Variants in ZIC5 observed in about 807,000 individuals in gnomAD.
The protein encoded by ZIC5 is Zic family zinc finger 5.
ZIC5 carries 20 observed loss-of-function variants against 28.5 expected under a neutral mutation model. The observed-to-expected ratio is 0.70, with a 90% CI of 0.49 to 1.02. The LOEUF (loss-of-function observed/expected upper bound fraction) is 1.02, where lower values mean the gene tolerates loss of function less well. ZIC5 is among the 50% of genes least tolerant of loss of function. The probability of loss-of-function intolerance (pLI) is 0.00; values close to 1 mark genes in which losing one functional copy is unlikely to be tolerated. For synonymous variants in ZIC5, 488 were observed against 410.4 expected, an observed-to-expected ratio of 1.19 and a Z score of -2.29; for missense variants, 951 against 899.7, an observed-to-expected ratio of 1.06 and a Z score of -0.73.
chr13:99,965,587 T>A lies in ZIC5; in HGVS notation c.1710A>T (p.Pro570=), dbSNP rs201281552. 644 of 1,613,872 alleles carry A rather than the reference T, an allele frequency of 4.0e-4. 1 individual carries two copies. Among genetic ancestry groups the A allele is most frequent in the Non-Finnish European group, 5.2e-4 (615 of 1,179,936 alleles). ...GPLGYSSVGT[P]VGAPLSPVLD... ...GCACAGGGGACAAGGGGGCGCCCAC[T>A]GGAGTCCCCACTGATGAGTAACCAA... Residue 570 remains proline, a synonymous_variant, in exon 2 of 2, where the codon CCA becomes CCT. Coordinates refer to ENST00000267294, the MANE Select transcript of ZIC5 (RefSeq NM_033132.5).
upstream of ZIC5, chr13:99,971,893 C>A: frequency 1.6e-6 from 1 of 606,114 alleles, no homozygotes; most frequent in Non-Finnish European, 2.8e-6. Flanking sequence ...GCCCTCGACC[C>A]AGCGGGGATT....
At chr13:99,968,304 G>A (rs2053116115) in intron 1 of ZIC5, among the ~76,000 whole-genome samples, 1 of 152,182 alleles carries the variant, frequency 6.6e-6, no homozygotes, top group Non-Finnish European at 1.5e-5. Context: ...CCCTCCCGCA[G>A]GGACCCCCAC....
At position 99,964,695 on chromosome 13, in the gene ZIC5, G is replaced by A. The variant is rs976779070; in HGVS notation, c.*682C>T. ...AGTAGGATACTGAAGAAATAATCCT[G>A]TATAAAAATATTGTATTAAGCTAAG... On this transcript the variant is annotated 3_prime_UTR_variant, in exon 2 of 2. Coordinates refer to ENST00000267294, the MANE Select transcript of ZIC5 (RefSeq NM_033132.5). 1 of 152,442 alleles carries A rather than the reference G, an allele frequency of 6.6e-6. No homozygotes were observed. The highest frequency in any genetic ancestry group is 1.5e-5 in the Non-Finnish European group (1 of 68,000). 9.4% of individuals were successfully genotyped at this position (152,442 alleles called of 1,614,324 possible).
chr13:99,968,834 G>A (rs1594283247), intron 1 of ZIC5, among the ~76,000 whole-genome samples: 1 of 152,152 alleles, frequency 6.6e-6, no homozygotes, highest in Non-Finnish European at 1.5e-5. Flanking sequence ...GGGAAAACGT[G>A]CTCCCCACCG....
At chr13:99,968,464 C>A (rs2053118176) in intron 1 of ZIC5, among the ~76,000 whole-genome samples, 1 of 152,216 alleles carries the variant, frequency 6.6e-6, no homozygotes, top group South Asian at 2.1e-4. Context: ...CGCGCGCGTG[C>A]CCCGGGAAGC....
Position 99,970,413 on chromosome 13 carries a change from T to TGGCGGC in ZIC5, c.1185_1190dup (p.Pro399_Pro400dup), listed in dbSNP as rs71114653. On this transcript the variant is annotated inframe_insertion, in exon 1 of 2. Transcript: ENST00000267294. Reference sequence around the variant, plus strand: ...GCTTGGCGCCGCCGGCCGGGGGCGGTGGCGGCGGCGGCGGCGGCGGCGGCG... The same window carrying TGGCGGC: ...GCTTGGCGCCGCCGGCCGGGGGCGGTGGCGGCGGCGGCGGCGGCGGCGGCGGCGGCG... 4,418 of 1,106,580 alleles carry TGGCGGC rather than the reference T, an allele frequency of 4.0e-3. 9 individuals are homozygous for TGGCGGC. Among genetic ancestry groups the TGGCGGC allele is most frequent in the East Asian group, 4.6e-3 (83 of 18,042 alleles). The allele number at this position is 1,106,580 out of a possible 1,614,324, so 68.5% of individuals were successfully genotyped here. A position where few individuals can be genotyped will look rare whatever the true frequency, so the allele number is the denominator to read the frequency against.
At position 99,964,977 on chromosome 13, in the gene ZIC5, G is replaced by T. The variant is rs918627812; in HGVS notation, c.*400C>A. 2 of 145,798 alleles carry T rather than the reference G, an allele frequency of 1.4e-5. No homozygotes were observed. The allele number at this position is 145,798 out of a possible 1,614,324, so 9.0% of individuals were successfully genotyped here. ...GTGCTGTGTTAAGTTCTGACTTAAT[G>T]CTCTTTTTCTCCCCCTTTTAAAAAA... On this transcript the variant is annotated 3_prime_UTR_variant, in exon 2 of 2. Coordinates refer to ENST00000267294, the MANE Select transcript of ZIC5 (RefSeq NM_033132.5).
chr13:99,963,888 AACCCTGGGGAGGGGG>A lies in ZIC5; in HGVS notation c.*1474_*1488del, dbSNP rs2053076244. On this transcript the variant is annotated 3_prime_UTR_variant, in exon 2 of 2. Coordinates refer to ENST00000267294, the MANE Select transcript of ZIC5 (RefSeq NM_033132.5). ...ACAGCACACAAAACAAATTTCTACA[AACCCTGGGGAGGGGG>A]TGTCTTCGGGGTCTCTAAGGATAAA... is the stretch of plus-strand genomic sequence containing the variant. The A allele has an allele frequency of 6.6e-6, 1 of 152,368 alleles. No homozygotes were observed. Among genetic ancestry groups the A allele is most frequent in the African/African-American group, 2.4e-5 (1 of 41,456 alleles). The allele number at this position is 152,368 out of a possible 1,614,324, so 9.4% of individuals were successfully genotyped here.
Position 99,971,697 on chromosome 13 carries a change from ACTT to A in ZIC5, c.-97_-95del. On this transcript the variant is annotated 5_prime_UTR_variant, in exon 1 of 2. Transcript: ENST00000267294. ...ACATGTATGTATTGGGCGCTCTTTA[ACTT>A]CTTTTGTCCTGGCCTCTTAACTCTG... 6.4e-7 allele frequency: 1 copy of A among 1,551,374 alleles called. No individual in the cohort carries two copies. Among genetic ancestry groups the A allele is most frequent in the Non-Finnish European group, 8.7e-7 (1 of 1,147,142 alleles).
rs1952509906 is a variant in ZIC5 at position 99,970,418 on chromosome 13, G to A, written c.1186C>T (p.Pro396Ser). ...PPPPPPPPPP[P>S]PPPPAGGAKP... is the part of the protein sequence containing the mutation. Reference sequence around the variant, plus strand: ...GCGCCGCCGGCCGGGGGCGGTGGCGGCGGCGGCGGCGGCGGCGGCGGCGGC... The same window carrying A: ...GCGCCGCCGGCCGGGGGCGGTGGCGACGGCGGCGGCGGCGGCGGCGGCGGC... Residue 396 changes from proline (P) to serine (S), a missense_variant, in exon 1 of 2, where the codon CCG (proline) becomes TCG (serine). Around this residue, in one of 3 missense-constraint regions of ZIC5, gnomAD observed 784 missense variants for 660.1 expected, o/e 1.19. Coordinates refer to ENST00000267294, the MANE Select transcript of ZIC5 (RefSeq NM_033132.5). 1 of 805,630 alleles carries A rather than the reference G, an allele frequency of 1.2e-6. No homozygotes were observed. The highest frequency in any genetic ancestry group is 2.1e-5 in the African/African-American group (1 of 46,786). The allele number at this position is 805,630 out of a possible 1,614,324, so 49.9% of individuals were successfully genotyped here. A position where few individuals can be genotyped will look rare whatever the true frequency, so the allele number is the denominator to read the frequency against.
At chr13:99,971,876 C>T (rs977420048), upstream of ZIC5, 77 of 660,840 alleles carry the variant, frequency 1.2e-4, no homozygotes, top group African/African-American at 6.3e-4. Flanking sequence ...GATTGGCTCC[C>T]GTTCAGGCCC....
In ZIC5 at chr13:99,970,949, A is replaced by C; in HGVS notation, c.655T>G (p.Ser219Ala). 1.4e-6 allele frequency: 2 copies of C among 1,395,074 alleles called. No homozygotes were observed. The highest frequency in any genetic ancestry group is 1.6e-5 in the South Asian group (1 of 60,900). 86.4% of individuals were successfully genotyped at this position (1,395,074 alleles called of 1,614,324 possible). A position where few individuals can be genotyped will look rare whatever the true frequency, so the allele number is the denominator to read the frequency against. The change falls in exon 1 of 2, where the codon TCC becomes GCC. Residue 219 changes from serine to alanine, a missense_variant. By Grantham distance (99) the Ser-to-Ala change is moderately conservative. Coordinates refer to ENST00000267294, the MANE Select transcript of ZIC5 (RefSeq NM_033132.5). ...GGGCCCGCGTAGGTGCCGCTGGCGG[A>C]GATGAACATGCCGGCCGAGTGGGGA... ...PPPHSAGMFI[S>A]ASGTYAGPDG...
chr13:99,969,978 CAT>C, intron 1 of ZIC5, 147 bp downstream of exon 1: 1 of 1,228,664 alleles, frequency 8.1e-7, no homozygotes, highest in Non-Finnish European at 1.1e-6. Flanking sequence ...AAAGAAGTCA[CAT>C]GTCCGGGTTA....
chr13:99,969,399 TGTGA>T (rs199735696), intron 1 of ZIC5, among the ~76,000 whole-genome samples: 2,146 of 152,102 alleles, frequency 0.014, 21 homozygotes, highest in Non-Finnish European at 0.022. Flanking sequence ...GTGTAAATGA[TGTGA>T]GTGTGAGGAC....
intron 1 of ZIC5, among the ~76,000 whole-genome samples, chr13:99,969,247 C>T (rs919099849): frequency 8.5e-5 from 13 of 152,188 alleles, no homozygotes; most frequent in African/African-American, 3.1e-4. Context: ...TGGCTCCCCA[C>T]CAATTCCACG....
At chr13:99,969,895 A>G (rs2053133349) in intron 1 of ZIC5, among the ~76,000 whole-genome samples, 1 of 150,356 alleles carries the variant, frequency 6.7e-6, no homozygotes, top group Admixed American at 6.6e-5. Context: ...GCCGTGTGGG[A>G]ACCCAACGCG....
At chr13:99,966,391 C>T (rs920834907) in intron 1 of ZIC5, among the ~76,000 whole-genome samples, 2 of 152,050 alleles carry the variant, frequency 1.3e-5, no homozygotes, top group African/African-American at 2.4e-5. Context: ...CAGGAGAGAA[C>T]GTGGAGATGG....
rs767409016 is a variant in ZIC5, at chr13:99,971,079, G to C, written c.525C>G (p.Leu175=). 2.6e-5 allele frequency: 37 copies of C among 1,434,124 alleles called. No homozygotes were observed. Among genetic ancestry groups the C allele is most frequent in the Non-Finnish European group, 3.1e-5 (34 of 1,104,636 alleles). The allele number at this position is 1,434,124 out of a possible 1,614,324, so 88.8% of individuals were successfully genotyped here. ...GGGCCGTGGCGGAAAGGTCCCTCCG[G>C]AGGACGAAGTCCCTGCTGTGGCCTT... ...SGKGHSRDFV[L]RRDLSATAPA... Residue 175 remains leucine, a synonymous_variant, in exon 1 of 2, where the codon CTC becomes CTG. Transcript: ENST00000267294.
At chr13:99,967,819 G>T (rs558977707) in intron 1 of ZIC5, among the ~76,000 whole-genome samples, 1 of 152,348 alleles carries the variant, frequency 6.6e-6, no homozygotes, top group Admixed American at 6.5e-5. Context: ...CGATGGAAAG[G>T]CCTGTGTTGT....
Sources: gnomAD v4.1 joint callset for allele counts (sites outside exome capture counted in the v4.1 genomes callset) on GRCh38, gnomAD v4.1.1 for gene constraint, gnomAD v4.1.1 regional missense constraint, MANE v1.5 for transcripts, NCBI Gene and HGNC (gene_info 2026-07-23, HGNC 2026-07-21) for gene names.